Variants in PRR16 observed in about 807,000 individuals in gnomAD.
The protein encoded by PRR16 is proline rich 16.
In PRR16, 6 loss-of-function variants were observed where a neutral mutation model predicts 18.2. The observed-to-expected ratio is 0.33, with a 90% CI of 0.18 to 0.65. The LOEUF is 0.65. Ranked by LOEUF, PRR16 falls within the 30% of genes least tolerant of loss-of-function variation. The probability of loss-of-function intolerance (pLI) is 0.74; values close to 1 mark genes in which losing one functional copy is unlikely to be tolerated. For synonymous variants in PRR16, 151 were observed against 147.8 expected (o/e 1.02, Z -0.16); for missense variants, 412 against 376.6 (o/e 1.09, Z -0.78).
At chr5:120,474,994 T>C (rs1452162808) in intron 1 of PRR16, among the ~76,000 whole-genome samples, 1 of 152,182 alleles carries the variant, frequency 6.6e-6, no homozygotes, top group Admixed American at 6.5e-5. Flanking sequence ...TTAGAATGGT[T>C]TCACTGCTGT....
chr5:120,640,775 C>G (rs2112856242), intron 1 of PRR16, among the ~76,000 whole-genome samples: 1 of 152,236 alleles, frequency 6.6e-6, no homozygotes, highest in South Asian at 2.1e-4. Context: ...CAAAACAAAA[C>G]ACAATTCTTC....
chr5:120,464,434 C>T lies in PRR16; in HGVS notation c.-53C>T. On this transcript the variant is annotated 5_prime_UTR_variant, in exon 1 of 2. It introduces an in-frame stop codon into an upstream open reading frame of the 5' UTR. Transcript: ENST00000407149. ...TAGCAGCGCCAGGGACGGGGGCACG[C>T]AGCAGCCTCCGCTCGCCCGCCTGTC... is the stretch of plus-strand genomic sequence containing the variant. 6.6e-7 allele frequency: 1 copy of T among 1,508,910 alleles called. No homozygotes were observed. Among genetic ancestry groups the T allele is most frequent in the South Asian group, 1.2e-5 (1 of 80,842 alleles). The allele number at this position is 1,508,910 out of a possible 1,614,324, so 93.5% of individuals were successfully genotyped here.
At chr5:120,786,188 C>T in the PRR16 span, among the ~76,000 whole-genome samples, 1 of 150,512 alleles carries the variant, frequency 6.6e-6, no homozygotes, top group Admixed American at 6.6e-5. Flanking sequence ...ATCTAAATTC[C>T]CAAATATTTC....
intron 1 of PRR16, among the ~76,000 whole-genome samples, chr5:120,639,470 C>T (rs1755350894): frequency 6.6e-6 from 1 of 151,896 alleles, no homozygotes; most frequent in Admixed American, 6.6e-5. Flanking sequence ...ATATAAAGAC[C>T]TAAAAGAATG....
At chr5:120,502,702 C>G (rs149756270) in intron 1 of PRR16, among the ~76,000 whole-genome samples, 1 of 152,032 alleles carries the variant, frequency 6.6e-6, no homozygotes, top group African/African-American at 2.4e-5. Context: ...TTTTATTAGT[C>G]GAAGCATGTG....
At chr5:120,533,032 C>T (rs1306202211) in intron 1 of PRR16, among the ~76,000 whole-genome samples, 3 of 152,144 alleles carry the variant, frequency 2.0e-5, no homozygotes, top group Non-Finnish European at 4.4e-5. Flanking sequence ...TTTGCATCCC[C>T]CCTTCATCTC....
At chr5:120,526,816 C>A (rs1487402257) in intron 1 of PRR16, among the ~76,000 whole-genome samples, 1 of 152,108 alleles carries the variant, frequency 6.6e-6, no homozygotes, top group Non-Finnish European at 1.5e-5. Flanking sequence ...CCAGGATGGT[C>A]TCAATCTCCT....
intron 1 of PRR16, among the ~76,000 whole-genome samples, chr5:120,663,145 G>T (rs894079636): frequency 2.0e-5 from 3 of 152,096 alleles, no homozygotes; most frequent in African/African-American, 7.2e-5. Context: ...TTATTTCACT[G>T]GTACCAGTGT....
At chr5:120,567,819 A>G (rs374219039) in intron 1 of PRR16, among the ~76,000 whole-genome samples, 3 of 152,114 alleles carry the variant, frequency 2.0e-5, no homozygotes, top group African/African-American at 7.2e-5. Flanking sequence ...CTGTGAGTCA[A>G]TTAAACTTCT....
At chr5:120,664,896 GA>G (rs1319243408) in intron 1 of PRR16, among the ~76,000 whole-genome samples, 15 of 151,642 alleles carry the variant, frequency 9.9e-5, no homozygotes, top group Non-Finnish European at 1.9e-4. Context: ...TTGCTATTGT[GA>G]ATAGTGCCGC....
chr5:120,760,448 A>G, the PRR16 span, among the ~76,000 whole-genome samples: 1 of 152,056 alleles, frequency 6.6e-6, no homozygotes, highest in Non-Finnish European at 1.5e-5. Context: ...TTTAAAGCAT[A>G]TTCCAGGTAT....
the PRR16 span, among the ~76,000 whole-genome samples, chr5:120,782,037 A>G: frequency 6.6e-6 from 1 of 152,170 alleles, no homozygotes; most frequent in African/African-American, 2.4e-5. Flanking sequence ...TCTTTCTACT[A>G]TTGTTCATAT....
At chr5:120,602,827 G>A (rs977405645) in intron 1 of PRR16, among the ~76,000 whole-genome samples, 13 of 151,758 alleles carry the variant, frequency 8.6e-5, no homozygotes, top group Non-Finnish European at 1.5e-4. Context: ...TTGATTATGT[G>A]GTTTATATTT....
intron 1 of PRR16, 56 bp from the exon 2 acceptor site, chr5:120,685,898 C>T (rs1477403883): frequency 6.6e-7 from 1 of 1,510,866 alleles, no homozygotes; most frequent in African/African-American, 1.4e-5. Flanking sequence ...TAAATTGTTT[C>T]TAGTATACTT....
the PRR16 span, among the ~76,000 whole-genome samples, chr5:120,718,459 A>G: frequency 5.3e-5 from 8 of 152,126 alleles, no homozygotes; most frequent in Admixed American, 5.2e-4. Flanking sequence ...CCCCTGTTAT[A>G]GATATCTCAT....
chr5:120,668,961 G>A (rs778396148), intron 1 of PRR16, among the ~76,000 whole-genome samples: 16 of 152,114 alleles, frequency 1.1e-4, no homozygotes, highest in South Asian at 2.1e-4. Flanking sequence ...TAAAGTGACC[G>A]TCTGCAAAGG....
chr5:120,642,026 C>T (rs1398112371), intron 1 of PRR16, among the ~76,000 whole-genome samples: 1 of 152,064 alleles, frequency 6.6e-6, no homozygotes, highest in Non-Finnish European at 1.5e-5. Context: ...TTCCTTTTCT[C>T]TTTACCCTCT....
At chr5:120,647,400 AAAAG>A (rs1331515659) in intron 1 of PRR16, among the ~76,000 whole-genome samples, 4 of 152,050 alleles carry the variant, frequency 2.6e-5, no homozygotes, top group African/African-American at 9.7e-5. Flanking sequence ...ATTTAAAAAA[AAAAG>A]AGATTTCATA....
At chr5:120,659,034 A>G (rs547836739) in intron 1 of PRR16, among the ~76,000 whole-genome samples, 242 of 151,756 alleles carry the variant, frequency 1.6e-3, no homozygotes, top group African/African-American at 5.7e-3. Flanking sequence ...CCCCCATCAT[A>G]GTTCTTTTAA....
Sources: gnomAD v4.1 joint callset for allele counts (sites outside exome capture counted in the v4.1 genomes callset) on GRCh38, gnomAD v4.1.1 for gene constraint, MANE v1.5 for transcripts, NCBI Gene and HGNC (gene_info 2026-07-23, HGNC 2026-07-21) for gene names.